The following CNTNAP4 variants were observed in gnomAD, a reference collection of about 807,000 sequenced individuals.
CNTNAP4 encodes the protein contactin-associated protein-like 4.
Under a neutral mutation model 148.4 loss-of-function variants are expected in CNTNAP4, and 98 were observed. The ratio of observed to expected loss-of-function variants is 0.66; its 90% CI spans 0.56 to 0.78. The LOEUF is 0.78. CNTNAP4 is among the 30% of genes least tolerant of loss of function. The probability of loss-of-function intolerance (pLI) is 0.00; values close to 1 mark genes in which losing one functional copy is unlikely to be tolerated. For missense variants in CNTNAP4, 1,935 were observed against 1,565.6 expected, an observed-to-expected ratio of 1.24 and a Z score of -3.98; for synonymous variants, 730 against 565.1, an observed-to-expected ratio of 1.29 and a Z score of -4.14.
intron 2 of CNTNAP4, among the ~76,000 whole-genome samples, chr16:76,328,562 C>A (rs1427874785): frequency 1.3e-5 from 2 of 151,782 alleles, no homozygotes; most frequent in African/African-American, 4.8e-5. Flanking sequence ...TAAGGAGATC[C>A]AAATAAAGCA....
intron 3 of CNTNAP4, among the ~76,000 whole-genome samples, chr16:76,364,523 A>G (rs1968844256): frequency 6.6e-6 from 1 of 152,140 alleles, no homozygotes; most frequent in Non-Finnish European, 1.5e-5. Context: ...ACATTCTACC[A>G]TGTGACAATT....
intron 7 of CNTNAP4, among the ~76,000 whole-genome samples, chr16:76,452,042 C>T (rs1306116287): frequency 6.6e-6 from 1 of 151,026 alleles, no homozygotes; most frequent in African/African-American, 2.4e-5. Context: ...AAAGACCAAG[C>T]TGCAGCTGGT....
At chr16:76,396,524 T>C (rs1253192554) in intron 3 of CNTNAP4, among the ~76,000 whole-genome samples, 4 of 152,238 alleles carry the variant, frequency 2.6e-5, no homozygotes, top group Non-Finnish European at 1.5e-5. Flanking sequence ...GACATTACTT[T>C]AGTTTTGATC....
intron 1 of CNTNAP4, among the ~76,000 whole-genome samples, chr16:76,308,127 T>G (rs1374877148): frequency 6.6e-6 from 1 of 152,212 alleles, no homozygotes; most frequent in African/African-American, 2.4e-5. Flanking sequence ...AGGAACATTT[T>G]TTTTTTAGAT....
chr16:76,387,303 A>G (rs1402170517), intron 3 of CNTNAP4, among the ~76,000 whole-genome samples: 4 of 152,196 alleles, frequency 2.6e-5, no homozygotes, highest in Non-Finnish European at 5.9e-5. Flanking sequence ...AATGTCAAAC[A>G]TTATGGTGAG....
intron 11 of CNTNAP4, among the ~76,000 whole-genome samples, chr16:76,477,640 A>AT (rs1212927138): frequency 2.0e-5 from 3 of 152,120 alleles, no homozygotes; most frequent in Admixed American, 2.0e-4. Flanking sequence ...GCCTCATAAG[A>AT]TTTTTATGAA....
chr16:76,278,308 T>C (rs1236429753), intron 1 of CNTNAP4, among the ~76,000 whole-genome samples: 1 of 152,210 alleles, frequency 6.6e-6, no homozygotes. Flanking sequence ...GTGCCCTCGC[T>C]GCTAAGAGAA....
At chr16:76,451,607 G>GTGTGTGTGTGTT in intron 7 of CNTNAP4, among the ~76,000 whole-genome samples, 1 of 150,708 alleles carries the variant, frequency 6.6e-6, no homozygotes, top group East Asian at 2.0e-4. Context: ...AGATGTGTGT[G>GTGTGTGTGTGTT]TGTGTGTGTG....
At chr16:76,295,568 A>G (rs1959218760) in intron 1 of CNTNAP4, among the ~76,000 whole-genome samples, 1 of 152,064 alleles carries the variant, frequency 6.6e-6, no homozygotes. Context: ...GTAAAAAGTA[A>G]TAAGAGCTAC....
In CNTNAP4 at chr16:76,386,128, A is replaced by C. The variant is rs1205559400; in HGVS notation, c.390+30617A>C. The stretch of plus-strand genomic sequence containing the variant: ...CATTCACAAATGACCACTGAAGCAC[A>C]TAAAGCTTTGATTTGGGGTTAAAAA... On this transcript the variant is annotated intron_variant, in intron 3 of 23. Coordinates refer to ENST00000611870, the MANE Select transcript of CNTNAP4 (RefSeq NM_033401.5). 2.0e-5 allele frequency among the ~76,000 whole-genome samples: 3 copies of C among 152,332 alleles called. No individual in the cohort carries two copies. The South Asian group carries it at 6.2e-4, about 32-fold the overall frequency.
At chr16:76,539,902 T>A in intron 20 of CNTNAP4, 50 bp downstream of exon 20, 1 of 1,402,444 alleles carries the variant, frequency 7.1e-7, no homozygotes, top group Non-Finnish European at 9.6e-7. Flanking sequence ...CTCTCCAGCA[T>A]GAAGGATCTC....
At chr16:76,554,082 G>C (rs543783511) in intron 23 of CNTNAP4, among the ~76,000 whole-genome samples, 175 bp downstream of exon 23, 7 of 152,198 alleles carry the variant, frequency 4.6e-5, no homozygotes, top group Admixed American at 1.3e-4. Flanking sequence ...GAATCTTTCT[G>C]AATTCTCTGC....
chr16:76,438,251 T>C (rs1027889547), intron 4 of CNTNAP4, among the ~76,000 whole-genome samples: 1 of 152,068 alleles, frequency 6.6e-6, no homozygotes, highest in Admixed American at 6.6e-5. Context: ...GGCCAATTCT[T>C]GTAACTCACA....
At chr16:76,539,223 A>G (rs2144276729) in intron 19 of CNTNAP4, among the ~76,000 whole-genome samples, 1 of 152,190 alleles carries the variant, frequency 6.6e-6, no homozygotes, top group South Asian at 2.1e-4. Context: ...GCTTAAAATC[A>G]TTCATCTTAC....
chr16:76,444,406 T>A (rs1446602887), intron 4 of CNTNAP4, among the ~76,000 whole-genome samples: 1 of 98,806 alleles, frequency 1.0e-5, no homozygotes, highest in Non-Finnish European at 2.0e-5. Flanking sequence ...GATGTGAAGT[T>A]ATTTCTTTGC....
chr16:76,461,352 C>A (rs972118876), intron 8 of CNTNAP4, among the ~76,000 whole-genome samples: 1 of 152,058 alleles, frequency 6.6e-6, no homozygotes, highest in African/African-American at 2.4e-5. Context: ...CTGAAAACAC[C>A]CCTTCAAATA....
chr16:76,354,192 A>G (rs1389198704), intron 2 of CNTNAP4, among the ~76,000 whole-genome samples: 1 of 152,176 alleles, frequency 6.6e-6, no homozygotes, highest in African/African-American at 2.4e-5. Context: ...GTCAAACCCT[A>G]TTTCGTAACT....
At chr16:76,465,807 A>C (rs1034355863) in intron 9 of CNTNAP4, among the ~76,000 whole-genome samples, 50 of 152,184 alleles carry the variant, frequency 3.3e-4, no homozygotes, top group Non-Finnish European at 3.4e-4. Flanking sequence ...TGATATATTA[A>C]ATTTGAAACT....
chr16:76,496,130 A>G (rs903938726), intron 14 of CNTNAP4, among the ~76,000 whole-genome samples: 1 of 120,320 alleles, frequency 8.3e-6, no homozygotes, highest in African/African-American at 2.9e-5. Flanking sequence ...TTAGAATTGC[A>G]CTTACTTTTA....
Sources: gnomAD v4.1 joint callset for allele counts (sites outside exome capture counted in the v4.1 genomes callset) on GRCh38, gnomAD v4.1.1 for gene constraint, MANE v1.5 for transcripts, NCBI Gene and HGNC (gene_info 2026-07-23, HGNC 2026-07-21) for gene names.